Variants in ROBO2 observed in about 807,000 individuals in gnomAD.
ROBO2 encodes the protein roundabout homolog 2.
ROBO2 carries 53 observed loss-of-function variants against 160.8 expected under a neutral mutation model. That is an observed-to-expected ratio of 0.33 (90% CI 0.26 to 0.41). ROBO2 has a LOEUF of 0.41. Ranked by LOEUF, ROBO2 falls within the 10% of genes least tolerant of loss-of-function variation. ROBO2 has a pLI of 1.00. For missense variants in ROBO2, 1,577 were observed against 1,722.4 expected, an observed-to-expected ratio of 0.92 and a Z score of 1.49; for synonymous variants, 664 against 611.7, an observed-to-expected ratio of 1.09 and a Z score of -1.26.
intron 2 of ROBO2, among the ~76,000 whole-genome samples, chr3:76,938,971 C>CAAAAAAAAAAAAAAAAAAAAA (rs71629626): frequency 2.1e-4 from 24 of 114,582 alleles, no homozygotes; most frequent in African/African-American, 7.2e-4. Context: ...AACTCAGTCT[C>CAAAAAAAAAAAAAAAAAAAAA]AAAAAAAAAA....
At chr3:77,155,526 C>T (rs1213896979) in intron 2 of ROBO2, among the ~76,000 whole-genome samples, 1 of 151,958 alleles carries the variant, frequency 6.6e-6, no homozygotes, top group African/African-American at 2.4e-5. Context: ...TCCAGAAACC[C>T]CGTAAACAAC....
chr3:77,248,418 T>C (rs2089976698), intron 2 of ROBO2, among the ~76,000 whole-genome samples: 1 of 152,028 alleles, frequency 6.6e-6, no homozygotes, highest in African/African-American at 2.4e-5. Flanking sequence ...CTGTTAACAC[T>C]GAAAAACTGT....
intron 2 of ROBO2, among the ~76,000 whole-genome samples, chr3:77,453,161 C>T (rs1202737260): frequency 6.6e-6 from 1 of 152,122 alleles, no homozygotes; most frequent in African/African-American, 2.4e-5. Context: ...CTCTATTAAA[C>T]TACTATGAAA....
chr3:76,660,193 A>C (rs2091757802), intron 2 of ROBO2, among the ~76,000 whole-genome samples: 1 of 152,170 alleles, frequency 6.6e-6, no homozygotes, highest in Non-Finnish European at 1.5e-5. Context: ...CTTTGGATTC[A>C]CAATTTTGTT....
chr3:76,705,664 A>G (rs972681396), intron 2 of ROBO2, among the ~76,000 whole-genome samples: 3 of 152,166 alleles, frequency 2.0e-5, no homozygotes, highest in Non-Finnish European at 4.4e-5. Flanking sequence ...CATAAGAAAT[A>G]CAGGTTAATT....
intron 2 of ROBO2, among the ~76,000 whole-genome samples, chr3:75,992,428 G>A (rs767666540): frequency 3.9e-5 from 6 of 152,168 alleles, no homozygotes; most frequent in Non-Finnish European, 5.9e-5. Flanking sequence ...CCCACATGGT[G>A]TTGAGCCTGC....
chr3:76,721,234 C>A (rs1430630719), intron 2 of ROBO2, among the ~76,000 whole-genome samples: 1 of 151,528 alleles, frequency 6.6e-6, no homozygotes, highest in East Asian at 1.9e-4. Context: ...ACAAAGTTTC[C>A]TAACTTCTAC....
At chr3:75,935,190 T>C (rs1947715384) in intron 1 of ROBO2, among the ~76,000 whole-genome samples, 1 of 152,098 alleles carries the variant, frequency 6.6e-6, no homozygotes, top group Non-Finnish European at 1.5e-5. Flanking sequence ...GTACACAAAA[T>C]TAAACTTGTG....
chr3:76,391,144 G>T (rs1300241084), intron 2 of ROBO2, among the ~76,000 whole-genome samples: 12 of 151,846 alleles, frequency 7.9e-5, no homozygotes, highest in Admixed American at 7.9e-4. Flanking sequence ...TTTGCATCTT[G>T]ACTTAATTGT....
At chr3:76,911,543 T>C (rs972841803) in intron 2 of ROBO2, among the ~76,000 whole-genome samples, 13 of 152,192 alleles carry the variant, frequency 8.5e-5, no homozygotes, top group Non-Finnish European at 1.6e-4. Context: ...TGAGGACAAC[T>C]TTGATGTACC....
chr3:77,244,144 A>G (rs1439516209), intron 2 of ROBO2, among the ~76,000 whole-genome samples: 1 of 152,192 alleles, frequency 6.6e-6, no homozygotes, highest in African/African-American at 2.4e-5. Flanking sequence ...CCTGATACAT[A>G]AAAGGCCTCA....
At chr3:76,049,483 A>T (rs777493228) in intron 2 of ROBO2, among the ~76,000 whole-genome samples, 2 of 141,920 alleles carry the variant, frequency 1.4e-5, no homozygotes, top group Non-Finnish European at 1.5e-5. Flanking sequence ...GACTCAAGTG[A>T]TCCGTCTCCC....
chr3:76,592,382 G>A (rs2086468456), intron 2 of ROBO2, among the ~76,000 whole-genome samples: 1 of 151,976 alleles, frequency 6.6e-6, no homozygotes, highest in African/African-American at 2.4e-5. Context: ...AACTAACCTA[G>A]ACAGATGCTC....
intron 2 of ROBO2, among the ~76,000 whole-genome samples, chr3:76,721,316 C>A (rs2093463077): frequency 6.6e-6 from 1 of 152,110 alleles, no homozygotes; most frequent in Non-Finnish European, 1.5e-5. Flanking sequence ...GAAATAAACA[C>A]ATTTTAATAT....
At chr3:77,266,640 A>C (rs2059142787) in intron 2 of ROBO2, among the ~76,000 whole-genome samples, 1 of 152,138 alleles carries the variant, frequency 6.6e-6, no homozygotes, top group African/African-American at 2.4e-5. Context: ...TGGACCAGGA[A>C]GACTTCTGTA....
chr3:76,692,690 C>A (rs1429948931), intron 2 of ROBO2, among the ~76,000 whole-genome samples: 1 of 151,922 alleles, frequency 6.6e-6, no homozygotes, highest in Non-Finnish European at 1.5e-5. Context: ...CCACGTTTTC[C>A]AAGGGGAAGC....
At chr3:77,412,895 T>G (rs1378827904) in intron 2 of ROBO2, among the ~76,000 whole-genome samples, 2 of 152,292 alleles carry the variant, frequency 1.3e-5, no homozygotes, top group African/African-American at 4.8e-5. Flanking sequence ...TGCAGATTCT[T>G]TAAACTCTAT....
At chr3:76,226,253 A>G (rs1704276852) in intron 2 of ROBO2, among the ~76,000 whole-genome samples, 1 of 152,224 alleles carries the variant, frequency 6.6e-6, no homozygotes, top group African/African-American at 2.4e-5. Context: ...TAGATATGAA[A>G]TAATTTAAAG....
At chr3:76,860,929 A>G (rs1461511250) in intron 2 of ROBO2, among the ~76,000 whole-genome samples, 1 of 152,062 alleles carries the variant, frequency 6.6e-6, no homozygotes, top group Non-Finnish European at 1.5e-5. Flanking sequence ...GTGTTTGATA[A>G]AAGGAAAGCA....
Sources: gnomAD v4.1 joint callset for allele counts (sites outside exome capture counted in the v4.1 genomes callset) on GRCh38, gnomAD v4.1.1 for gene constraint, MANE v1.5 for transcripts, NCBI Gene and HGNC (gene_info 2026-07-23, HGNC 2026-07-21) for gene names.